FSTL5: variants seen among roughly 807,000 people sequenced by gnomAD.
FSTL5 encodes follistatin like 5, also known as follistatin-related protein 5.
In FSTL5, 62 loss-of-function variants were observed where a neutral mutation model predicts 89.1. That is an observed-to-expected ratio of 0.70 (90% CI 0.57 to 0.86). The LOEUF is 0.86. Ranked by LOEUF, FSTL5 falls within the 40% of genes least tolerant of loss-of-function variation. The probability of loss-of-function intolerance (pLI) is 0.00; values close to 1 mark genes in which losing one functional copy is unlikely to be tolerated. For synonymous variants in FSTL5, 383 were observed against 346.2 expected (o/e 1.11, Z -1.18); for missense variants, 1,057 against 1,001.6 (o/e 1.06, Z -0.75).
intron 7 of FSTL5, among the ~76,000 whole-genome samples, chr4:161,596,883 T>C (rs1277010412): frequency 1.3e-5 from 2 of 152,178 alleles, no homozygotes; most frequent in Non-Finnish European, 2.9e-5. Context: ...GGTTGTTTGT[T>C]TTTTTCTTGT....
At chr4:161,731,738 G>T (rs1385659072) in intron 6 of FSTL5, among the ~76,000 whole-genome samples, 1 of 151,240 alleles carries the variant, frequency 6.6e-6, no homozygotes, top group Non-Finnish European at 1.5e-5. Context: ...GAATTTTTAT[G>T]AATAGAATCT....
intron 3 of FSTL5, among the ~76,000 whole-genome samples, chr4:161,981,757 A>C (rs1735834078): frequency 6.6e-6 from 1 of 152,172 alleles, no homozygotes; most frequent in Non-Finnish European, 1.5e-5. Flanking sequence ...TTAATATTTT[A>C]GTGTTTAAGC....
chr4:161,484,480 G>T (rs1019462712), intron 12 of FSTL5, among the ~76,000 whole-genome samples: 1 of 152,076 alleles, frequency 6.6e-6, no homozygotes, highest in Admixed American at 6.5e-5. Context: ...ATAAATTTAA[G>T]AAACACTTCA....
intron 6 of FSTL5, among the ~76,000 whole-genome samples, chr4:161,710,543 T>C (rs1393076762): frequency 6.6e-6 from 1 of 152,172 alleles, no homozygotes; most frequent in African/African-American, 2.4e-5. Context: ...ATTATCTGCA[T>C]TATCTGGCAC....
intron 5 of FSTL5, among the ~76,000 whole-genome samples, chr4:161,764,892 C>T (rs536793230): frequency 2.1e-4 from 32 of 152,152 alleles, no homozygotes; most frequent in South Asian, 6.2e-4. Context: ...GTGTTTGTTA[C>T]GAACAGCGCT....
intron 4 of FSTL5, among the ~76,000 whole-genome samples, chr4:161,898,631 T>A: frequency 1.9e-5 from 1 of 52,008 alleles, no homozygotes. Flanking sequence ...TATTATATTC[T>A]TTTTTTTTTT....
intron 3 of FSTL5, among the ~76,000 whole-genome samples, chr4:161,973,382 A>T (rs1418785157): frequency 6.6e-6 from 1 of 152,206 alleles, no homozygotes; most frequent in Non-Finnish European, 1.5e-5. Context: ...TACATATTTC[A>T]GTTGCAGAAA....
chr4:161,401,116 GTA>G (rs1190696573), intron 15 of FSTL5, among the ~76,000 whole-genome samples: 2 of 152,126 alleles, frequency 1.3e-5, no homozygotes, highest in Non-Finnish European at 2.9e-5. Flanking sequence ...TGATGAAAAG[GTA>G]TAGTTATTTT....
Position 161,796,449 on chromosome 4 carries a change from T to C in FSTL5, c.410-20375A>G, listed in dbSNP as rs79797936. Among the ~76,000 whole-genome samples, 311 of 151,932 alleles carry C rather than the reference T, an allele frequency of 2.0e-3. 2 individuals carry two copies. The highest frequency in any genetic ancestry group is 6.9e-3 in the African/African-American group (286 of 41,550). On this transcript the variant is annotated intron_variant, in intron 4 of 15. Transcript: ENST00000306100. ...GTAAGGTGAGAAAACATGATGAATA[T>C]ATTGCTATCATGTAAATTGTGTTAT...
chr4:161,568,806 T>C (rs4330312), intron 8 of FSTL5, among the ~76,000 whole-genome samples: 72,683 of 152,028 alleles, frequency 0.48, 17,644 homozygotes, highest in Middle Eastern at 0.6. Flanking sequence ...AGGCAGCTAA[T>C]TTCCATTAGT....
intron 3 of FSTL5, among the ~76,000 whole-genome samples, chr4:162,006,228 T>C (rs559140462): frequency 6.6e-6 from 1 of 152,044 alleles, no homozygotes; most frequent in Non-Finnish European, 1.5e-5. Context: ...TTTTATTACA[T>C]ATTCAACTTT....
At chr4:162,032,655 G>A (rs1482708302) in intron 3 of FSTL5, 8 of 152,172 alleles carry the variant, frequency 5.3e-5, no homozygotes, top group Admixed American at 5.2e-4. Context: ...AATGTGCAGA[G>A]AGGATTCTAT....
intron 4 of FSTL5, among the ~76,000 whole-genome samples, chr4:161,906,058 A>G (rs1374634426): frequency 6.6e-6 from 1 of 152,178 alleles, no homozygotes; most frequent in Non-Finnish European, 1.5e-5. Context: ...TTGGAATCAA[A>G]TCTTCACTGA....
intron 1 of FSTL5, among the ~76,000 whole-genome samples, chr4:162,126,838 A>T (rs914224156): frequency 6.6e-6 from 1 of 152,104 alleles, no homozygotes; most frequent in African/African-American, 2.4e-5. Context: ...GTGGGTGTGC[A>T]TGTGTGCATG....
rs577645746 is a variant in FSTL5 at position 161,713,509 on chromosome 4, T to C, written c.727+45902A>G. 3.3e-4 allele frequency among the ~76,000 whole-genome samples: 51 copies of C among 152,272 alleles called. 1 individual carries two copies. In the South Asian group the frequency reaches 0.01, roughly 31 times the overall value. ...TAAGACGGTAATGTTGTACAACATATAATCAAAAAATTGTCTTTCACAGAA... is the reference window on the plus strand; with the variant it reads ...TAAGACGGTAATGTTGTACAACATACAATCAAAAAATTGTCTTTCACAGAA... On this transcript the variant is annotated intron_variant, in intron 6 of 15. Transcript: ENST00000306100.
At position 162,088,501 on chromosome 4, in the gene FSTL5, G is replaced by A. The variant is rs62331269; in HGVS notation, c.126+22770C>T. Among the ~76,000 whole-genome samples, 12 of 151,966 alleles carry A rather than the reference G, an allele frequency of 7.9e-5. 1 individual carries two copies. The highest frequency in any genetic ancestry group is 4.2e-4 in the South Asian group (2 of 4,814). On this transcript the variant is annotated intron_variant, in intron 2 of 15. Coordinates refer to ENST00000306100, the MANE Select transcript of FSTL5 (RefSeq NM_020116.5). ...TTACTTCATCCTCAATAAGTTAGTC[G>A]AAGTAATTTACTATAAGCTGACTAT...
At chr4:162,090,318 A>G (rs1730495875) in intron 2 of FSTL5, among the ~76,000 whole-genome samples, 1 of 152,174 alleles carries the variant, frequency 6.6e-6, no homozygotes, top group South Asian at 2.1e-4. Context: ...AACCTACAAA[A>G]TGAGAGGAAA....
chr4:161,478,056 T>C (rs1287529396), intron 13 of FSTL5, among the ~76,000 whole-genome samples: 1 of 152,052 alleles, frequency 6.6e-6, no homozygotes, highest in African/African-American at 2.4e-5. Context: ...TAAACTCACA[T>C]GTAATATTCG....
intron 7 of FSTL5, among the ~76,000 whole-genome samples, chr4:161,655,856 G>A (rs1326112614): frequency 6.6e-6 from 1 of 151,930 alleles, no homozygotes; most frequent in East Asian, 1.9e-4. Context: ...GATTTCTAAT[G>A]GCTATAGATT....
Sources: allele counts gnomAD v4.1 joint callset (sites outside exome capture counted in the v4.1 genomes callset), GRCh38; gene constraint gnomAD v4.1.1; transcripts MANE v1.5; gene names NCBI Gene and HGNC (gene_info 2026-07-23, HGNC 2026-07-21).